UBXN7: variants seen among roughly 807,000 people sequenced by gnomAD.
The protein encoded by UBXN7 is UBX domain protein 7.
A neutral mutation model predicts 58.0 loss-of-function variants in UBXN7; 9 were observed. The ratio of observed to expected loss-of-function variants is 0.16; its 90% CI spans 0.09 to 0.27. UBXN7 has a LOEUF of 0.27. UBXN7 is among the 10% of genes least tolerant of loss of function. The pLI is 1.00. For synonymous variants in UBXN7, 208 were observed against 205.0 expected (o/e 1.01, Z -0.12); for missense variants, 328 against 599.6 (o/e 0.55, Z 4.73).
rs1289852482 is a variant in UBXN7 at position 196,353,861 on chromosome 3, C to T, written c.*2824G>A. On this transcript the variant is annotated 3_prime_UTR_variant, in exon 11 of 11. Transcript: ENST00000296328. ...CGAAGTCTATCTTTCTTGTTCTTTT[C>T]CTCCCTAGCTTTTTTTTTTTAAACA... 6.6e-6 allele frequency: 1 copy of T among 151,704 alleles called. No homozygotes were observed. Among genetic ancestry groups the T allele is most frequent in the Non-Finnish European group, 1.5e-5 (1 of 67,938 alleles). The allele number at this position is 151,704 out of a possible 1,614,324, so 9.4% of individuals were successfully genotyped here. A position where few individuals can be genotyped will look rare whatever the true frequency, so the allele number is the denominator to read the frequency against.
intron 3 of UBXN7, among the ~76,000 whole-genome samples, chr3:196,398,265 A>C (rs756897185): frequency 1.3e-5 from 2 of 152,178 alleles, no homozygotes; most frequent in Admixed American, 6.6e-5. Context: ...CCCTAACCAA[A>C]GGCCACACCC....
At chr3:196,378,672 T>G (rs1235067597) in intron 5 of UBXN7, among the ~76,000 whole-genome samples, 1 of 152,250 alleles carries the variant, frequency 6.6e-6, no homozygotes, top group Non-Finnish European at 1.5e-5. Context: ...CCATGGCATT[T>G]GTAAACTGCC....
chr3:196,406,734 G>A (rs1048463430), intron 2 of UBXN7, among the ~76,000 whole-genome samples: 8 of 152,170 alleles, frequency 5.3e-5, no homozygotes, highest in Middle Eastern at 3.4e-3. Context: ...ATGAGCCACC[G>A]CGCCCAGCCT....
chr3:196,407,197 C>T (rs368611607), intron 2 of UBXN7, 49 bp downstream of exon 2: 26 of 1,579,252 alleles, frequency 1.6e-5, no homozygotes, highest in Non-Finnish European at 2.0e-5. Flanking sequence ...AATGCAACTA[C>T]TTAATTTAGG....
chr3:196,368,087 C>G lies in UBXN7; in HGVS notation c.775G>C (p.Gly259Arg). The change falls in exon 8 of 11, where the codon GGT becomes CGT. Residue 259 changes from glycine to arginine, a missense_variant. Around this residue, in one of 4 missense-constraint regions of UBXN7, gnomAD observed 126 missense variants for 302.6 expected, o/e 0.42. Transcript: ENST00000296328. ...AGTCCATCCAGTTGTCCATGTTCAC[C>G]CAGAAATCCCGTCACTTGGTCCAAG... ...SFLDQVTGFL[G>R]EHGQLDGLSS... 6.2e-7 allele frequency: 1 copy of G among 1,614,026 alleles called. No individual in the cohort carries two copies. Among genetic ancestry groups the G allele is most frequent in the South Asian group, 1.1e-5 (1 of 91,066 alleles).
chr3:196,359,146 TGCCTGTCTCTGTGTC>T (rs1728435986), intron 10 of UBXN7, among the ~76,000 whole-genome samples: 2 of 152,238 alleles, frequency 1.3e-5, no homozygotes, highest in African/African-American at 2.4e-5. Flanking sequence ...ATGTGCTCAC[TGCCTGTCTCTGTGTC>T]ACCTTTTGGT....
At chr3:196,364,145 C>G (rs1221587234) in intron 8 of UBXN7, among the ~76,000 whole-genome samples, 1 of 152,128 alleles carries the variant, frequency 6.6e-6, no homozygotes, top group Non-Finnish European at 1.5e-5. Flanking sequence ...GAAATGCAAA[C>G]TTCTACAGTT....
intron 2 of UBXN7, among the ~76,000 whole-genome samples, chr3:196,403,534 G>C (rs1399672095): frequency 6.6e-6 from 1 of 151,966 alleles, no homozygotes; most frequent in Non-Finnish European, 1.5e-5. Context: ...TAGCTCAAAT[G>C]GTTTGGAAAT....
chr3:196,360,418 AT>A (rs1458572285), intron 10 of UBXN7, among the ~76,000 whole-genome samples: 1 of 152,234 alleles, frequency 6.6e-6, no homozygotes, highest in Non-Finnish European at 1.5e-5. Flanking sequence ...GCCAATGCTC[AT>A]TTAACATTCC....
chr3:196,360,992 T>C (rs1728490197), intron 10 of UBXN7, among the ~76,000 whole-genome samples: 2 of 152,272 alleles, frequency 1.3e-5, no homozygotes, highest in South Asian at 4.1e-4. Context: ...TAAATACAGA[T>C]TCCTTTGATG....
chr3:196,432,296 C>G, intron 1 of UBXN7, 31 bp downstream of exon 1: 1 of 1,612,834 alleles, frequency 6.2e-7, no homozygotes, highest in Non-Finnish European at 8.5e-7. Context: ...CCGGACCCCA[C>G]TCTCCACCTT....
chr3:196,386,380 TAAAAAAAAAAAA>T (rs34268326), intron 5 of UBXN7, among the ~76,000 whole-genome samples: 5 of 57,728 alleles, frequency 8.7e-5, no homozygotes, highest in Non-Finnish European at 1.3e-4. Flanking sequence ...TAATAAACAC[TAAAAAAAAAAAA>T]AAAAAAAAAA....
intron 5 of UBXN7, among the ~76,000 whole-genome samples, chr3:196,384,945 G>A (rs1370369466): frequency 6.6e-6 from 1 of 152,098 alleles, no homozygotes; most frequent in Admixed American, 6.5e-5. Flanking sequence ...TGGAAGTTCT[G>A]GCCAGGGCAA....
intron 5 of UBXN7, among the ~76,000 whole-genome samples, chr3:196,380,121 G>T (rs1038380248): frequency 2.6e-5 from 4 of 152,110 alleles, no homozygotes; most frequent in Non-Finnish European, 5.9e-5. Context: ...GTGGTGGCGG[G>T]CGCCTGTGGT....
At chr3:196,429,055 C>T (rs1730937986) in intron 1 of UBXN7, among the ~76,000 whole-genome samples, 2 of 151,216 alleles carry the variant, frequency 1.3e-5, no homozygotes, top group Non-Finnish European at 2.9e-5. Flanking sequence ...AGGCCAGGCG[C>T]GGTGGCTCAC....
At chr3:196,364,615 T>A (rs1369446816) in intron 8 of UBXN7, among the ~76,000 whole-genome samples, 2 of 150,978 alleles carry the variant, frequency 1.3e-5, no homozygotes, top group African/African-American at 4.9e-5. Context: ...GAGTTGCTAA[T>A]AAAAAACTAA....
chr3:196,430,678 C>T (rs1319211812), intron 1 of UBXN7, among the ~76,000 whole-genome samples: 1 of 152,042 alleles, frequency 6.6e-6, no homozygotes, highest in African/African-American at 2.4e-5. Context: ...CGTGAGACAC[C>T]GCGCCAGGCC....
At chr3:196,385,452 C>A (rs1729348482) in intron 5 of UBXN7, among the ~76,000 whole-genome samples, 1 of 152,058 alleles carries the variant, frequency 6.6e-6, no homozygotes, top group Non-Finnish European at 1.5e-5. Flanking sequence ...AGCGCCTCTG[C>A]CCGGCCGTCA....
intron 1 of UBXN7, chr3:196,423,510 G>T: frequency 5.0e-6 from 1 of 200,624 alleles, no homozygotes; most frequent in South Asian, 5.9e-5. Flanking sequence ...CTGACCATTA[G>T]GTGCCAGCTG....
Sources: gnomAD v4.1 joint callset for allele counts (sites outside exome capture counted in the v4.1 genomes callset) on GRCh38, gnomAD v4.1.1 for gene constraint, gnomAD v4.1.1 regional missense constraint, MANE v1.5 for transcripts, NCBI Gene and HGNC (gene_info 2026-07-23, HGNC 2026-07-21) for gene names.